EXOC2: variants seen among roughly 807,000 people sequenced by gnomAD.
The protein encoded by EXOC2 is exocyst complex component 2.
In EXOC2, 70 loss-of-function variants were observed where a neutral mutation model predicts 131.8. That is an observed-to-expected ratio of 0.53 (90% CI 0.44 to 0.65). EXOC2 has a LOEUF of 0.65. Among genes scored for constraint, EXOC2 ranks in the 30% least tolerant of loss-of-function variants. The pLI, the probability that EXOC2 is intolerant of heterozygous loss-of-function variation, is 0.00. For missense variants in EXOC2, 923 were observed against 1,108.6 expected (o/e 0.83, Z 2.38); for synonymous variants, 411 against 398.4 (o/e 1.03, Z -0.38).
intron 4 of EXOC2, among the ~76,000 whole-genome samples, chr6:626,130 T>C (rs191249696): frequency 7.7e-4 from 118 of 152,344 alleles, no homozygotes; most frequent in African/African-American, 2.8e-3. Flanking sequence ...AGCAGAAATA[T>C]AGACTTTTTA....
intron 22 of EXOC2, among the ~76,000 whole-genome samples, chr6:540,230 C>T (rs1425640017): frequency 6.6e-6 from 1 of 152,214 alleles, no homozygotes; most frequent in Admixed American, 6.5e-5. Flanking sequence ...GCAGGGATTA[C>T]AGGCAGGAGC....
intron 1 of EXOC2, among the ~76,000 whole-genome samples, chr6:678,566 T>C (rs1472356504): frequency 2.0e-5 from 3 of 152,302 alleles, no homozygotes; most frequent in Non-Finnish European, 2.9e-5. Context: ...GTATTTTAAT[T>C]AGAAAAAATA....
intron 1 of EXOC2, among the ~76,000 whole-genome samples, chr6:658,099 T>A (rs1763223292): frequency 6.6e-6 from 1 of 152,142 alleles, no homozygotes; most frequent in African/African-American, 2.4e-5. Flanking sequence ...TCAGTTGAAA[T>A]CTTTTTTGGA....
chr6:597,684 G>A (rs1315821481), intron 10 of EXOC2, among the ~76,000 whole-genome samples: 1 of 152,154 alleles, frequency 6.6e-6, no homozygotes, highest in Non-Finnish European at 1.5e-5. Flanking sequence ...GCCATGCAGG[G>A]AGCCCCTCCT....
At chr6:509,691 G>C (rs902983325) in intron 23 of EXOC2, among the ~76,000 whole-genome samples, 6 of 152,216 alleles carry the variant, frequency 3.9e-5, no homozygotes, top group Non-Finnish European at 7.3e-5. Context: ...ATAAACAACT[G>C]CTATGCCATC....
At chr6:552,795 TATTC>T (rs1363064083) in intron 21 of EXOC2, among the ~76,000 whole-genome samples, 1 of 152,182 alleles carries the variant, frequency 6.6e-6, no homozygotes, top group Non-Finnish European at 1.5e-5. Flanking sequence ...CTTATTTAGG[TATTC>T]ATACTTACAT....
intron 1 of EXOC2, among the ~76,000 whole-genome samples, chr6:665,010 G>C (rs999926122): frequency 6.6e-6 from 1 of 152,010 alleles, no homozygotes; most frequent in African/African-American, 2.4e-5. Context: ...ACACAGAGGG[G>C]GAGAAAATCT....
rs562450342 is a variant in EXOC2, at chr6:677,503, C to T, written c.-44+15516G>A. On this transcript the variant is annotated intron_variant, in intron 1 of 27. Coordinates refer to ENST00000230449, the MANE Select transcript of EXOC2 (RefSeq NM_018303.6). ...TAATATATCTTAGATATTAAGCAAA[C>T]ATTGATGACTTATTTTATCCAGGTA... 1.4e-3 allele frequency among the ~76,000 whole-genome samples: 211 copies of T among 152,268 alleles called. 1 individual carries two copies. Among genetic ancestry groups the T allele is most frequent in the African/African-American group, 4.4e-3 (184 of 41,552 alleles).
chr6:660,805 C>T (rs994515590), intron 1 of EXOC2, among the ~76,000 whole-genome samples: 25 of 151,912 alleles, frequency 1.6e-4, no homozygotes, highest in Non-Finnish European at 2.9e-5. Flanking sequence ...TGAAGGAATC[C>T]CTGATTTACC....
At chr6:610,528 T>C (rs1003987) in intron 6 of EXOC2, among the ~76,000 whole-genome samples, 4,163 of 152,288 alleles carry the variant, frequency 0.027, 221 homozygotes, top group African/African-American at 0.095. Context: ...ATCTGAAACT[T>C]GAAGCACTCA....
intron 23 of EXOC2, among the ~76,000 whole-genome samples, chr6:521,501 G>A (rs547919734): frequency 5.3e-5 from 8 of 152,084 alleles, no homozygotes; most frequent in Non-Finnish European, 1.2e-4. Flanking sequence ...GAGATCTTTG[G>A]TGTTACAGTA....
chr6:533,235 C>T (rs1766209354), intron 22 of EXOC2, among the ~76,000 whole-genome samples: 1 of 152,156 alleles, frequency 6.6e-6, no homozygotes, highest in Non-Finnish European at 1.5e-5. Flanking sequence ...TTTGAAAATA[C>T]TAACCACTCA....
intron 6 of EXOC2, among the ~76,000 whole-genome samples, chr6:611,975 A>G (rs1760737464): frequency 6.6e-6 from 1 of 152,248 alleles, no homozygotes; most frequent in African/African-American, 2.4e-5. Context: ...TTGCAATTAC[A>G]ATAAGAAATT....
At chr6:498,446 AACAGAATTTTTATATTT>A (rs1279008012) in intron 24 of EXOC2, among the ~76,000 whole-genome samples, 2 of 152,170 alleles carry the variant, frequency 1.3e-5, no homozygotes, top group Non-Finnish European at 2.9e-5. Context: ...CCATAACAAA[AACAGAATTTTTATATTT>A]TTTATAAGAT....
chr6:597,392 G>C (rs974551775), intron 10 of EXOC2, among the ~76,000 whole-genome samples: 7 of 152,002 alleles, frequency 4.6e-5, no homozygotes, highest in African/African-American at 1.7e-4. Flanking sequence ...GGTCAGGCTG[G>C]TCTCAAACTC....
intron 23 of EXOC2, among the ~76,000 whole-genome samples, chr6:518,171 T>TA (rs796295350): frequency 2.1e-4 from 32 of 152,176 alleles, no homozygotes; most frequent in African/African-American, 6.0e-4. Flanking sequence ...TACGTTTCTT[T>TA]AAAAAAAATC....
chr6:611,514 C>G (rs1026452624), intron 6 of EXOC2, among the ~76,000 whole-genome samples: 1 of 152,216 alleles, frequency 6.6e-6, no homozygotes, highest in African/African-American at 2.4e-5. Context: ...TGAGGTGACC[C>G]TGGCCCCCCG....
chr6:489,702 C>T (rs2127465708), intron 26 of EXOC2, among the ~76,000 whole-genome samples: 1 of 152,264 alleles, frequency 6.6e-6, no homozygotes, highest in East Asian at 1.9e-4. Flanking sequence ...TAACTTGTAC[C>T]ATTCACAAAG....
In EXOC2 at chr6:564,041, G is replaced by A. The variant is rs79862727; in HGVS notation, c.1781C>T (p.Thr594Met). 3.3e-4 allele frequency: 525 copies of A among 1,613,742 alleles called. 1 individual carries two copies. The East Asian group carries it at 7.7e-3, about 24-fold the overall frequency. Residue 594 changes from threonine (T) to methionine (M), a missense_variant, in exon 16 of 28, where the codon ACG becomes ATG. Thr to Met is a moderately conservative substitution (Grantham distance 81). Transcript: ENST00000230449. ...GATTTATCAAAACACACCTTCCGCCGTGTGCTGCAACGTGGCCATTACGCA... is the reference window on the plus strand; with the variant it reads ...GATTTATCAAAACACACCTTCCGCCATGTGCTGCAACGTGGCCATTACGCA... ...VRCVMATLQH[T>M]AEEIKRLAEK... is the part of the protein sequence containing the mutation.
Sources: allele counts gnomAD v4.1 joint callset (sites outside exome capture counted in the v4.1 genomes callset), GRCh38; gene constraint gnomAD v4.1.1; transcripts MANE v1.5; gene names NCBI Gene and HGNC (gene_info 2026-07-23, HGNC 2026-07-21).